The following FHIT variants were observed in gnomAD, a reference collection of about 807,000 sequenced individuals.
FHIT encodes the protein fragile histidine triad diadenosine triphosphatase.
A neutral mutation model predicts 17.9 loss-of-function variants in FHIT; 19 were observed. The observed-to-expected ratio is 1.06, with a 90% CI of 0.74 to 1.56. FHIT has a LOEUF of 1.56. Among genes scored for constraint, FHIT ranks in the 40% most tolerant of loss-of-function variants. The pLI is 0.00. For missense variants in FHIT, 248 were observed against 189.2 expected (o/e 1.31, Z -1.82); for synonymous variants, 81 against 69.7 (o/e 1.16, Z -0.81).
Position 60,264,533 on chromosome 3 carries a change from T to C in FHIT, c.104-250381A>G, listed in dbSNP as rs143018542. Among the ~76,000 whole-genome samples the C allele has an allele frequency of 6.4e-4, 98 of 152,120 alleles. 1 individual carries two copies. Among genetic ancestry groups the C allele is most frequent in the African/African-American group, 2.2e-3 (91 of 41,556 alleles). On this transcript the variant is annotated intron_variant, in intron 5 of 9. Transcript: ENST00000492590. ...TTATCACTATAAGTTACTGGTTCTA[T>C]TATCTTATTTAATCCTAATAACACT...
At chr3:60,410,007 A>G (rs1179831892) in intron 5 of FHIT, among the ~76,000 whole-genome samples, 1 of 152,198 alleles carries the variant, frequency 6.6e-6, no homozygotes, top group Non-Finnish European at 1.5e-5. Flanking sequence ...ACCCTAACAG[A>G]TTTATTTTAA....
intron 4 of FHIT, among the ~76,000 whole-genome samples, chr3:60,799,340 A>C (rs1369268546): frequency 1.3e-5 from 2 of 151,844 alleles, no homozygotes; most frequent in Non-Finnish European, 2.9e-5. Flanking sequence ...ATGCCCAGCT[A>C]ATTTTGTATT....
chr3:60,184,176 A>G (rs1047348000), intron 5 of FHIT, among the ~76,000 whole-genome samples: 3 of 150,232 alleles, frequency 2.0e-5, no homozygotes, highest in African/African-American at 7.3e-5. Flanking sequence ...GTAGAGACCA[A>G]CTCTTACTAT....
chr3:60,924,760 G>T (rs994941244), intron 3 of FHIT, among the ~76,000 whole-genome samples: 3 of 151,874 alleles, frequency 2.0e-5, no homozygotes, highest in African/African-American at 7.3e-5. Context: ...AAACTACTCC[G>T]ACCTAAAGGA....
intron 7 of FHIT, among the ~76,000 whole-genome samples, chr3:59,956,573 C>T: frequency 6.6e-6 from 1 of 152,050 alleles, no homozygotes; most frequent in East Asian, 1.9e-4. Flanking sequence ...GAGGCTGAAC[C>T]AGGAGAATTG....
intron 3 of FHIT, among the ~76,000 whole-genome samples, chr3:60,864,146 T>C (rs972776736): frequency 6.6e-6 from 1 of 151,882 alleles, no homozygotes; most frequent in Non-Finnish European, 1.5e-5. Context: ...GAGAACAGCA[T>C]GGGAAAAACC....
rs187278490 is a variant in FHIT at position 59,791,969 on chromosome 3, C to A, written c.349-39648G>T. On this transcript the variant is annotated intron_variant, in intron 8 of 9. Transcript: ENST00000492590. ...AGCTGTGCAGCCCCAGAATGGATTT[C>A]CCATGCCTGGTTTTAATCATGGCTA... 4.0e-5 allele frequency among the ~76,000 whole-genome samples: 6 copies of A among 151,668 alleles called. No individual in the cohort carries two copies. The East Asian group carries it at 1.2e-3, about 30-fold the overall frequency.
At chr3:60,380,523 C>A (rs150475915) in intron 5 of FHIT, among the ~76,000 whole-genome samples, 2 of 152,088 alleles carry the variant, frequency 1.3e-5, no homozygotes, top group African/African-American at 2.4e-5. Context: ...CATTTTACAG[C>A]GAGGATACTG....
At chr3:60,397,522 T>G (rs1701495124) in intron 5 of FHIT, among the ~76,000 whole-genome samples, 1 of 152,184 alleles carries the variant, frequency 6.6e-6, no homozygotes, top group Admixed American at 6.5e-5. Flanking sequence ...ATAGGAAGTT[T>G]GGACTTGCCA....
intron 5 of FHIT, among the ~76,000 whole-genome samples, chr3:60,417,558 A>C (rs1486302326): frequency 2.6e-5 from 4 of 152,226 alleles, no homozygotes; most frequent in African/African-American, 9.6e-5. Flanking sequence ...AGAACACATA[A>C]TTAAAAGCAC....
At chr3:60,502,406 A>G (rs1396056781) in intron 5 of FHIT, among the ~76,000 whole-genome samples, 1 of 152,152 alleles carries the variant, frequency 6.6e-6, no homozygotes. Flanking sequence ...CATTCTCTTT[A>G]TCTTCCTGTG....
At chr3:60,067,953 G>A (rs565802420) in intron 5 of FHIT, among the ~76,000 whole-genome samples, 1 of 152,088 alleles carries the variant, frequency 6.6e-6, no homozygotes, top group Non-Finnish European at 1.5e-5. Flanking sequence ...AATCACTCAG[G>A]GGCCCAGCAT....
chr3:61,241,069 A>G (rs2040362260), intron 1 of FHIT, among the ~76,000 whole-genome samples: 1 of 152,140 alleles, frequency 6.6e-6, no homozygotes, highest in African/African-American at 2.4e-5. Context: ...TTTTACTTAC[A>G]CAAGTGGCTG....
intron 2 of FHIT, among the ~76,000 whole-genome samples, chr3:61,176,205 C>T (rs567563509): frequency 1.3e-5 from 2 of 152,340 alleles, no homozygotes; most frequent in Non-Finnish European, 1.5e-5. Flanking sequence ...GCCATTGAGG[C>T]TCTTGGTGAC....
chr3:60,482,414 C>G (rs865816911), intron 5 of FHIT, among the ~76,000 whole-genome samples: 25 of 152,062 alleles, frequency 1.6e-4, no homozygotes, highest in African/African-American at 5.8e-4. Context: ...ATTCTAAAAT[C>G]GACCACATAA....
At chr3:59,925,119 C>G (rs1705591902) in intron 7 of FHIT, among the ~76,000 whole-genome samples, 1 of 150,114 alleles carries the variant, frequency 6.7e-6, no homozygotes, top group Admixed American at 6.7e-5. Flanking sequence ...TCTTTTCTCT[C>G]TCCCCACAGA....
At chr3:60,705,488 A>C (rs549877546) in intron 4 of FHIT, among the ~76,000 whole-genome samples, 1 of 152,358 alleles carries the variant, frequency 6.6e-6, no homozygotes, top group Admixed American at 6.5e-5. Context: ...ATTTGGATTT[A>C]ATGTACTTTT....
At chr3:61,131,207 A>T (rs1306290812) in intron 2 of FHIT, among the ~76,000 whole-genome samples, 2 of 152,100 alleles carry the variant, frequency 1.3e-5, no homozygotes, top group Non-Finnish European at 1.5e-5. Context: ...TTCCTCCAGC[A>T]TCTACACAGT....
chr3:60,093,688 G>T (rs1164041227), intron 5 of FHIT, among the ~76,000 whole-genome samples: 1 of 152,176 alleles, frequency 6.6e-6, no homozygotes, highest in Non-Finnish European at 1.5e-5. Context: ...TTTCTCACAG[G>T]AGCAAGAACC....
Sources: allele counts gnomAD v4.1 joint callset (sites outside exome capture counted in the v4.1 genomes callset), GRCh38; gene constraint gnomAD v4.1.1; transcripts MANE v1.5; gene names NCBI Gene and HGNC (gene_info 2026-07-23, HGNC 2026-07-21).